The following ANKRD6 variants were observed in gnomAD, a reference collection of about 807,000 sequenced individuals.
ANKRD6 encodes ankyrin repeat domain 6, also known as ankyrin repeat domain-containing protein 6.
Under a neutral mutation model 82.3 loss-of-function variants are expected in ANKRD6, and 56 were observed. That is an observed-to-expected ratio of 0.68 (90% CI 0.55 to 0.85). The LOEUF is 0.85. Among genes scored for constraint, ANKRD6 ranks in the 40% least tolerant of loss-of-function variants. The pLI is 0.00. For synonymous variants in ANKRD6, 347 were observed against 352.1 expected (o/e 0.99, Z 0.16); for missense variants, 852 against 907.6 (o/e 0.94, Z 0.79).
chr6:89,608,368 C>CTATATATATATATATA (rs1554260576), intron 5 of ANKRD6, among the ~76,000 whole-genome samples: 10 of 130,694 alleles, frequency 7.7e-5, no homozygotes, highest in South Asian at 2.7e-4. Flanking sequence ...CACACACACA[C>CTATATATATATATATA]TATATATATA....
At chr6:89,522,547 C>T (rs1782011112) in intron 1 of ANKRD6, among the ~76,000 whole-genome samples, 1 of 152,176 alleles carries the variant, frequency 6.6e-6, no homozygotes, top group African/African-American at 2.4e-5. Flanking sequence ...AAAGAAACAA[C>T]TACTCTTCTA....
chr6:89,594,037 C>T (rs1489360441), intron 2 of ANKRD6, among the ~76,000 whole-genome samples: 1 of 152,166 alleles, frequency 6.6e-6, no homozygotes, highest in Non-Finnish European at 1.5e-5. Context: ...TGGCATTAGC[C>T]TGGGTGCCCA....
intron 2 of ANKRD6, among the ~76,000 whole-genome samples, chr6:89,588,213 T>C (rs1047913677): frequency 2.6e-5 from 4 of 152,222 alleles, no homozygotes; most frequent in Non-Finnish European, 5.9e-5. Flanking sequence ...AGAAATAAGA[T>C]TGGAGGTATT....
At chr6:89,609,214 G>A (rs955020970) in intron 5 of ANKRD6, among the ~76,000 whole-genome samples, 2 of 152,242 alleles carry the variant, frequency 1.3e-5, no homozygotes, top group South Asian at 2.1e-4. Flanking sequence ...ATCGCCGGTA[G>A]TGCCTGGCTC....
At chr6:89,463,982 A>G (rs1362809928) in intron 1 of ANKRD6, among the ~76,000 whole-genome samples, 1 of 152,228 alleles carries the variant, frequency 6.6e-6, no homozygotes, top group Non-Finnish European at 1.5e-5. Context: ...AAACAAAAAT[A>G]TGATAATGTA....
chr6:89,566,477 C>T (rs1010303778), intron 1 of ANKRD6, among the ~76,000 whole-genome samples: 11 of 152,310 alleles, frequency 7.2e-5, no homozygotes, highest in Admixed American at 2.6e-4. Context: ...TGATCACACA[C>T]GGTACAGTTC....
intron 13 of ANKRD6, 104 bp downstream of exon 13, chr6:89,624,795 A>C: frequency 1.1e-5 from 14 of 1,320,174 alleles, no homozygotes; most frequent in Non-Finnish European, 1.4e-5. Context: ...GGGAGTGTCC[A>C]GTGGGCTGTC....
chr6:89,493,801 A>G (rs1344758798), intron 1 of ANKRD6, among the ~76,000 whole-genome samples: 1 of 152,174 alleles, frequency 6.6e-6, no homozygotes, highest in African/African-American at 2.4e-5. Flanking sequence ...AGAATCCTTA[A>G]TTTAACCACA....
intron 1 of ANKRD6, among the ~76,000 whole-genome samples, chr6:89,499,647 G>A (rs1219249546): frequency 6.6e-6 from 1 of 152,120 alleles, no homozygotes; most frequent in East Asian, 1.9e-4. Context: ...TACCACAAAT[G>A]TTCCTGTTCA....
At chr6:89,586,452 G>A (rs562376058) in intron 2 of ANKRD6, among the ~76,000 whole-genome samples, 12 of 152,304 alleles carry the variant, frequency 7.9e-5, no homozygotes, top group African/African-American at 2.9e-4. Context: ...ACTTTGGGAG[G>A]CCGAGGCGGG....
intron 1 of ANKRD6, among the ~76,000 whole-genome samples, chr6:89,530,757 A>C (rs149739723): frequency 1.3e-5 from 2 of 152,298 alleles, no homozygotes; most frequent in African/African-American, 4.8e-5. Flanking sequence ...GTTCCGGGAG[A>C]AATGGAGAAC....
intron 1 of ANKRD6, among the ~76,000 whole-genome samples, chr6:89,544,910 C>T (rs1391133745): frequency 1.3e-5 from 2 of 151,752 alleles, no homozygotes; most frequent in African/African-American, 2.4e-5. Context: ...TTGCTCTCCT[C>T]TAGTAAGAAA....
chr6:89,471,897 C>A (rs1420321206), intron 1 of ANKRD6, among the ~76,000 whole-genome samples: 1 of 139,270 alleles, frequency 7.2e-6, no homozygotes, highest in East Asian at 2.2e-4. Context: ...TGAGGTCACG[C>A]CATTGCACTC....
chr6:89,547,678 C>T (rs1442693591), intron 1 of ANKRD6, among the ~76,000 whole-genome samples: 1 of 152,114 alleles, frequency 6.6e-6, no homozygotes, highest in Non-Finnish European at 1.5e-5. Flanking sequence ...AACAGCAAAC[C>T]AGTTTAACTC....
chr6:89,487,222 T>A (rs1440329311), intron 1 of ANKRD6, among the ~76,000 whole-genome samples: 1 of 152,212 alleles, frequency 6.6e-6, no homozygotes, highest in East Asian at 1.9e-4. Flanking sequence ...TGTTGGGTGC[T>A]CAGAATAGAG....
At chr6:89,454,990 G>A (rs553712548) in intron 1 of ANKRD6, among the ~76,000 whole-genome samples, 1 of 152,064 alleles carries the variant, frequency 6.6e-6, no homozygotes, top group South Asian at 2.1e-4. Context: ...ACAGGTGTGT[G>A]CCATGATGCT....
intron 1 of ANKRD6, among the ~76,000 whole-genome samples, chr6:89,532,536 A>G (rs909478256): frequency 6.6e-6 from 1 of 152,144 alleles, no homozygotes; most frequent in Non-Finnish European, 1.5e-5. Context: ...GCATATCACA[A>G]TTAGAGTTCC....
chr6:89,477,565 T>A (rs1215868225), intron 1 of ANKRD6, among the ~76,000 whole-genome samples: 1 of 150,376 alleles, frequency 6.6e-6, no homozygotes, highest in Non-Finnish European at 1.5e-5. Flanking sequence ...AGGTCAGGAG[T>A]TTGAGACCAT....
At chr6:89,618,793 A>G (rs1004227021) in intron 9 of ANKRD6, among the ~76,000 whole-genome samples, 1 of 152,180 alleles carries the variant, frequency 6.6e-6, no homozygotes, top group African/African-American at 2.4e-5. Context: ...CTTCATAATT[A>G]TTCATTATAA....
Sources: gnomAD v4.1 joint callset for allele counts (sites outside exome capture counted in the v4.1 genomes callset) on GRCh38, gnomAD v4.1.1 for gene constraint, MANE v1.5 for transcripts, NCBI Gene and HGNC (gene_info 2026-07-23, HGNC 2026-07-21) for gene names.